The following SCHIP1 variants were observed in gnomAD, a reference collection of about 807,000 sequenced individuals.
SCHIP1 encodes the protein schwannomin-interacting protein 1.
A neutral mutation model predicts 29.7 loss-of-function variants in SCHIP1; 8 were observed. That is an observed-to-expected ratio of 0.27 (90% CI 0.16 to 0.49). The LOEUF (loss-of-function observed/expected upper bound fraction) is 0.49. Ranked by LOEUF, SCHIP1 falls within the 20% of genes least tolerant of loss-of-function variation. The probability of loss-of-function intolerance (pLI) is 0.99; values close to 1 mark genes in which losing one functional copy is unlikely to be tolerated. For missense variants in SCHIP1, 193 were observed against 294.6 expected, an observed-to-expected ratio of 0.66 and a Z score of 2.52; for synonymous variants, 76 against 94.9, an observed-to-expected ratio of 0.80 and a Z score of 1.16.
the SCHIP1 span, among the ~76,000 whole-genome samples, chr3:159,642,704 G>A: frequency 6.4e-4 from 97 of 152,168 alleles, no homozygotes; most frequent in South Asian, 0.017. Flanking sequence ...GGGGACACAG[G>A]GACAGAGCTC....
chr3:159,401,109 T>C, the SCHIP1 span: 13 of 836,276 alleles, frequency 1.6e-5, no homozygotes, highest in Non-Finnish European at 1.9e-5. Context: ...TTTTATCTTT[T>C]CCTTCACCAA....
At chr3:159,612,869 T>G in the SCHIP1 span, among the ~76,000 whole-genome samples, 382 of 152,342 alleles carry the variant, frequency 2.5e-3, 2 homozygotes, top group Non-Finnish European at 3.7e-3. Flanking sequence ...GATGTTGAGA[T>G]AGATTATTTT....
chr3:159,398,898 C>T, the SCHIP1 span: 615 of 909,848 alleles, frequency 6.8e-4, 2 homozygotes, highest in South Asian at 2.6e-3. Context: ...AAACGTCCTG[C>T]AGACAGTCAG....
chr3:159,570,629 C>T, the SCHIP1 span, among the ~76,000 whole-genome samples: 1 of 152,154 alleles, frequency 6.6e-6, no homozygotes, highest in Admixed American at 6.6e-5. Context: ...GCAATGCAGG[C>T]TCTTTTTTGG....
chr3:159,713,983 T>C, the SCHIP1 span, among the ~76,000 whole-genome samples: 1 of 152,214 alleles, frequency 6.6e-6, no homozygotes, highest in African/African-American at 2.4e-5. Context: ...ATGCCTGTAA[T>C]CCCAACACTT....
At chr3:159,402,756 G>A in the SCHIP1 span, among the ~76,000 whole-genome samples, 22 of 152,160 alleles carry the variant, frequency 1.4e-4, no homozygotes, top group Middle Eastern at 3.4e-3. Flanking sequence ...ACAGGAAGGC[G>A]AACATCACAC....
the SCHIP1 span, among the ~76,000 whole-genome samples, chr3:159,444,161 G>C: frequency 6.6e-6 from 1 of 152,168 alleles, no homozygotes; most frequent in African/African-American, 2.4e-5. Flanking sequence ...GCACAGCTGT[G>C]AGCAAGGGGA....
chr3:159,765,220 T>TCCCG, the SCHIP1 span: 1 of 1,410,504 alleles, frequency 7.1e-7, no homozygotes, highest in Non-Finnish European at 9.4e-7. Flanking sequence ...CTCCCTGCGC[T>TCCCG]CCCGCCCGCC....
At chr3:159,573,603 C>T in the SCHIP1 span, among the ~76,000 whole-genome samples, 7 of 152,218 alleles carry the variant, frequency 4.6e-5, no homozygotes, top group Admixed American at 6.5e-5. Flanking sequence ...TTGCTCTTCT[C>T]GAGGAATATC....
At chr3:159,896,280 G>C (rs1203617193) in intron 6 of SCHIP1, among the ~76,000 whole-genome samples, 1 of 152,090 alleles carries the variant, frequency 6.6e-6, no homozygotes, top group Non-Finnish European at 1.5e-5. Flanking sequence ...TTTTGGCTTC[G>C]TGCTTATTTC....
At chr3:159,385,825 C>T in the SCHIP1 span, among the ~76,000 whole-genome samples, 1 of 152,132 alleles carries the variant, frequency 6.6e-6, no homozygotes, top group Admixed American at 6.6e-5. Context: ...AGGTATTTCT[C>T]CTAATGCTAT....
chr3:159,509,695 TGTAAA>T, the SCHIP1 span, among the ~76,000 whole-genome samples: 6 of 152,240 alleles, frequency 3.9e-5, no homozygotes, highest in African/African-American at 1.4e-4. Context: ...TTTGCTTGTC[TGTAAA>T]GTATTTTATT....
At chr3:159,512,265 G>A in the SCHIP1 span, among the ~76,000 whole-genome samples, 24 of 152,258 alleles carry the variant, frequency 1.6e-4, no homozygotes, top group Admixed American at 3.3e-4. Flanking sequence ...TTCGTTCATC[G>A]GGGATGTGTG....
At chr3:159,506,083 C>A in the SCHIP1 span, among the ~76,000 whole-genome samples, 1 of 152,216 alleles carries the variant, frequency 6.6e-6, no homozygotes, top group Non-Finnish European at 1.5e-5. Flanking sequence ...TACAATCCCA[C>A]CAACAGTGTA....
the SCHIP1 span, among the ~76,000 whole-genome samples, chr3:159,772,162 C>CT: frequency 1.3e-5 from 2 of 152,086 alleles, no homozygotes; most frequent in Non-Finnish European, 2.9e-5. Context: ...ATCATAACTA[C>CT]TTTTTTTTCA....
the SCHIP1 span, among the ~76,000 whole-genome samples, chr3:159,482,629 G>T: frequency 6.6e-6 from 1 of 152,138 alleles, no homozygotes; most frequent in African/African-American, 2.4e-5. Flanking sequence ...TCTCAATCTT[G>T]TTTTTCTAGT....
At chr3:159,885,667 A>G (rs1716891083) in intron 2 of SCHIP1, among the ~76,000 whole-genome samples, 1 of 152,128 alleles carries the variant, frequency 6.6e-6, no homozygotes, top group Non-Finnish European at 1.5e-5. Context: ...TCCTTCCTTA[A>G]TGATATAAAT....
the SCHIP1 span, chr3:159,273,444 G>A: frequency 2.9e-6 from 3 of 1,040,036 alleles, no homozygotes; most frequent in African/African-American, 5.1e-5. Context: ...GGCTGCTTTG[G>A]ACTAATGGGA....
the SCHIP1 span, among the ~76,000 whole-genome samples, chr3:159,809,660 C>CAA: frequency 4.6e-4 from 45 of 98,524 alleles, no homozygotes; most frequent in East Asian, 1.6e-3. Context: ...AACTCCATCT[C>CAA]AAAAAAAAAA....
Sources: gnomAD v4.1 joint callset for allele counts (sites outside exome capture counted in the v4.1 genomes callset) on GRCh38, gnomAD v4.1.1 for gene constraint, MANE v1.5 for transcripts, NCBI Gene and HGNC (gene_info 2026-07-23, HGNC 2026-07-21) for gene names.